Variants in WDFY1 observed in about 807,000 individuals in gnomAD.
The protein encoded by WDFY1 is WD repeat and FYVE domain containing 1, also known as WD repeat and FYVE domain-containing protein 1.
WDFY1 carries 32 observed loss-of-function variants against 56.4 expected under a neutral mutation model. That is an observed-to-expected ratio of 0.57 (90% CI 0.43 to 0.76). WDFY1 has a LOEUF of 0.76. Ranked by LOEUF, WDFY1 falls within the 30% of genes least tolerant of loss-of-function variation. The pLI, the probability that WDFY1 is intolerant of heterozygous loss-of-function variation, is 0.00. For missense variants in WDFY1, 480 were observed against 545.7 expected, an observed-to-expected ratio of 0.88 and a Z score of 1.20; for synonymous variants, 192 against 197.3, an observed-to-expected ratio of 0.97 and a Z score of 0.23.
chr2:223,919,527 T>C (rs926356405), intron 1 of WDFY1, among the ~76,000 whole-genome samples: 1 of 152,200 alleles, frequency 6.6e-6, no homozygotes. Context: ...TATTATTTTT[T>C]AAGATGCAGT....
chr2:223,895,460 C>T (rs1693349224), intron 7 of WDFY1, 44 bp downstream of exon 7: 2 of 1,613,108 alleles, frequency 1.2e-6, no homozygotes, highest in South Asian at 1.1e-5. Flanking sequence ...ACTAGCTCCC[C>T]ACTAACTCGG....
At chr2:223,888,803 G>T (rs1432845772) in intron 8 of WDFY1, among the ~76,000 whole-genome samples, 1 of 150,022 alleles carries the variant, frequency 6.7e-6, no homozygotes, top group African/African-American at 2.5e-5. Context: ...GGTTAGGCTG[G>T]TCTCAAACTC....
Position 223,875,720 on chromosome 2 carries a change from T to C in WDFY1, c.*2951A>G, listed in dbSNP as rs1692958039. On this transcript the variant is annotated 3_prime_UTR_variant, in exon 12 of 12. Transcript: ENST00000233055. ...ACACTTGAATAAATATAGCATGTAT[T>C]ACTTATTTGTTAAGCCTTACACTTA... 1 of 152,238 alleles carries C rather than the reference T, an allele frequency of 6.6e-6. No homozygotes were observed. The highest frequency in any genetic ancestry group is 2.4e-5 in the African/African-American group (1 of 41,470). 9.4% of individuals were successfully genotyped at this position (152,238 alleles called of 1,614,324 possible). A position where few individuals can be genotyped will look rare whatever the true frequency, so the allele number is the denominator to read the frequency against.
intron 1 of WDFY1, among the ~76,000 whole-genome samples, chr2:223,933,718 A>T (rs1024832501): frequency 3.3e-5 from 5 of 152,004 alleles, no homozygotes; most frequent in African/African-American, 1.2e-4. Context: ...GCTACTTGGC[A>T]GACTGAGGCT....
chr2:223,941,682 C>G (rs1485900073), intron 1 of WDFY1, among the ~76,000 whole-genome samples: 1 of 152,090 alleles, frequency 6.6e-6, no homozygotes, highest in African/African-American at 2.4e-5. Flanking sequence ...AGCATGGGCC[C>G]CACACACGTG....
intron 1 of WDFY1, among the ~76,000 whole-genome samples, chr2:223,931,029 G>A (rs1041605725): frequency 1.3e-5 from 2 of 152,188 alleles, no homozygotes; most frequent in African/African-American, 2.4e-5. Context: ...TATGTAGCAC[G>A]AGCTAACTGA....
chr2:223,943,184 T>TAAAA (rs11311599), intron 1 of WDFY1, among the ~76,000 whole-genome samples: 10 of 137,184 alleles, frequency 7.3e-5, no homozygotes, highest in Admixed American at 7.2e-5. Context: ...GCCTCCATCT[T>TAAAA]AAAAAAAAAA....
rs1312147359 is a variant in WDFY1, at chr2:223,898,596, C to T, written c.598+362G>A. ...AATTTTTGTATTCTTAGTAGAGAGGCAGTTTTGCTGTGTTGGCCAGGCTGG... is the reference window on the plus strand; with the variant it reads ...AATTTTTGTATTCTTAGTAGAGAGGTAGTTTTGCTGTGTTGGCCAGGCTGG... On this transcript the variant is annotated intron_variant, in intron 6 of 11. Coordinates refer to ENST00000233055, the MANE Select transcript of WDFY1 (RefSeq NM_020830.5). Among the ~76,000 whole-genome samples the T allele has an allele frequency of 4.6e-5, 7 of 151,942 alleles. No individual in the cohort carries two copies. In the East Asian group the frequency reaches 5.8e-4, roughly 13 times the overall value.
intron 8 of WDFY1, among the ~76,000 whole-genome samples, chr2:223,889,654 A>G (rs1693233722): frequency 6.6e-6 from 1 of 152,212 alleles, no homozygotes; most frequent in African/African-American, 2.4e-5. Context: ...TGGAATTGTA[A>G]GTCCATTAAA....
chr2:223,924,506 G>A (rs1693947623), intron 1 of WDFY1, among the ~76,000 whole-genome samples: 1 of 152,140 alleles, frequency 6.6e-6, no homozygotes, highest in Admixed American at 6.5e-5. Context: ...TGAGATTACA[G>A]GCATGTGTCA....
Position 223,899,025 on chromosome 2 carries a change from C to T in WDFY1, c.531G>A (p.Gly177=). The T allele has an allele frequency of 1.2e-6, 2 of 1,614,014 alleles. No individual in the cohort carries two copies. The highest frequency in any genetic ancestry group is 1.7e-6 in the Non-Finnish European group (2 of 1,179,992). Reference sequence around the variant, plus strand: ...GTTCAAGCTTCAGCAGGGTGATCTGCCCAGAATAATCACCAACGAAAGCAT... The same window carrying T: ...GTTCAAGCTTCAGCAGGGTGATCTGTCCAGAATAATCACCAACGAAAGCAT... ...TQYAFVGDYS[G]QITLLKLEQN... Residue 177 remains glycine, a synonymous_variant, in exon 6 of 12, where the codon GGG becomes GGA. Coordinates refer to ENST00000233055, the MANE Select transcript of WDFY1 (RefSeq NM_020830.5).
intron 8 of WDFY1, among the ~76,000 whole-genome samples, chr2:223,885,149 T>C (rs142716139): frequency 6.6e-6 from 1 of 151,996 alleles, no homozygotes; most frequent in Non-Finnish European, 1.5e-5. Context: ...CCACGAAATA[T>C]TCTAGCTAGT....
chr2:223,937,038 G>A (rs1202306565), intron 1 of WDFY1, among the ~76,000 whole-genome samples: 1 of 152,180 alleles, frequency 6.6e-6, no homozygotes, highest in Non-Finnish European at 1.5e-5. Flanking sequence ...ACTATAATGT[G>A]TCAATCTTTC....
intron 2 of WDFY1, among the ~76,000 whole-genome samples, chr2:223,915,548 C>G (rs1574772808): frequency 6.6e-6 from 1 of 152,158 alleles, no homozygotes; most frequent in South Asian, 2.1e-4. Context: ...TTCTAATGAG[C>G]ATGAATTTCA....
intron 4 of WDFY1, among the ~76,000 whole-genome samples, 199 bp from the exon 5 acceptor site, chr2:223,901,532 C>G (rs1450363412): frequency 6.6e-6 from 1 of 152,134 alleles, no homozygotes; most frequent in Admixed American, 6.6e-5. Context: ...CTCTCCAAGG[C>G]GGTGCCCTCT....
chr2:223,908,901 C>G (rs1343903921), intron 3 of WDFY1, among the ~76,000 whole-genome samples: 1 of 152,200 alleles, frequency 6.6e-6, no homozygotes, highest in Non-Finnish European at 1.5e-5. Flanking sequence ...ATTCACACAC[C>G]CAGCCCTGCT....
chr2:223,903,540 A>C (rs1217469571), intron 4 of WDFY1, among the ~76,000 whole-genome samples: 2 of 141,544 alleles, frequency 1.4e-5, no homozygotes, highest in African/African-American at 5.4e-5. Context: ...AAAACAAAAC[A>C]AAAAAAAACC....
intron 8 of WDFY1, among the ~76,000 whole-genome samples, chr2:223,885,461 C>G (rs1419866945): frequency 6.6e-6 from 1 of 152,126 alleles, no homozygotes; most frequent in Non-Finnish European, 1.5e-5. Flanking sequence ...CCCCACAAAG[C>G]ACTGGGATTA....
intron 1 of WDFY1, among the ~76,000 whole-genome samples, chr2:223,918,630 CAAAA>C (rs34949257): frequency 7.3e-6 from 1 of 137,710 alleles, no homozygotes; most frequent in Admixed American, 7.2e-5. Context: ...GACTCTGTCT[CAAAA>C]AAAAAAAAAA....
Sources: allele counts gnomAD v4.1 joint callset (sites outside exome capture counted in the v4.1 genomes callset), GRCh38; gene constraint gnomAD v4.1.1; transcripts MANE v1.5; gene names NCBI Gene and HGNC (gene_info 2026-07-23, HGNC 2026-07-21).